The following MAP2 variants were observed in gnomAD, a reference collection of about 807,000 sequenced individuals.
The protein encoded by MAP2 is microtubule associated protein 2.
In MAP2, 14 loss-of-function variants were observed where a neutral mutation model predicts 137.6. The observed-to-expected ratio is 0.10, with a 90% CI of 0.07 to 0.16. MAP2 has a LOEUF of 0.16. Ranked by LOEUF, MAP2 falls within the 10% of genes least tolerant of loss-of-function variation. MAP2 has a pLI of 1.00. For missense variants in MAP2, 2,088 were observed against 2,191.5 expected (o/e 0.95, Z 0.94); for synonymous variants, 786 against 782.3 (o/e 1.00, Z -0.08).
intron 3 of MAP2, among the ~76,000 whole-genome samples, chr2:209,602,764 G>C (rs1179766646): frequency 2.6e-5 from 4 of 152,202 alleles, no homozygotes; most frequent in African/African-American, 9.7e-5. Flanking sequence ...CTCCAACAGA[G>C]TTTATCAAAA....
intron 1 of MAP2, among the ~76,000 whole-genome samples, chr2:209,430,446 A>G (rs571086746): frequency 6.6e-6 from 1 of 152,144 alleles, no homozygotes; most frequent in African/African-American, 2.4e-5. Flanking sequence ...TCATTGGTGA[A>G]ATCAATTATT....
chr2:209,648,601 C>A (rs1435455727), intron 4 of MAP2, among the ~76,000 whole-genome samples: 10 of 145,982 alleles, frequency 6.9e-5, no homozygotes, highest in African/African-American at 2.6e-4. Flanking sequence ...GACGGTGAAA[C>A]CCCTTCTCTA....
intron 2 of MAP2, among the ~76,000 whole-genome samples, chr2:209,566,376 G>T (rs927801116): frequency 3.3e-5 from 5 of 152,180 alleles, no homozygotes; most frequent in African/African-American, 1.2e-4. Flanking sequence ...CAATGTCCCT[G>T]TTTAAAACTA....
chr2:209,453,382 T>C (rs977766503), intron 1 of MAP2, among the ~76,000 whole-genome samples: 3 of 152,218 alleles, frequency 2.0e-5, no homozygotes, highest in African/African-American at 7.2e-5. Flanking sequence ...GAATTTCATG[T>C]GTTAAAAAGA....
At chr2:209,678,706 G>T (rs1412125908) in intron 6 of MAP2, 21 bp downstream of exon 6, 1 of 1,447,560 alleles carries the variant, frequency 6.9e-7, no homozygotes, top group African/African-American at 1.4e-5. Context: ...AGATTCTCAG[G>T]TCAGGGACTG....
chr2:209,537,930 G>A (rs548766191), intron 2 of MAP2, among the ~76,000 whole-genome samples: 1 of 152,260 alleles, frequency 6.6e-6, no homozygotes, highest in African/African-American at 2.4e-5. Flanking sequence ...TTTGGCACCT[G>A]TACCAAATAC....
At position 209,439,624 on chromosome 2, in the gene MAP2, A is replaced by G. The variant is rs1458213064; in HGVS notation, c.-222+15348A>G. Among the ~76,000 whole-genome samples, 7 of 151,510 alleles carry G rather than the reference A, an allele frequency of 4.6e-5. No individual in the cohort carries two copies. The Admixed American group carries it at 4.6e-4, about 10-fold the overall frequency. On this transcript the variant is annotated intron_variant, in intron 1 of 15. Transcript: ENST00000682079. Reference sequence around the variant, plus strand: ...GTTTCTCAGGAAGTGAGAGAGAGTGAACAAAATATATGCCACAATTGTAGC... The same window carrying G: ...GTTTCTCAGGAAGTGAGAGAGAGTGGACAAAATATATGCCACAATTGTAGC...
chr2:209,733,476 ACAC>A lies in MAP2; in HGVS notation c.*3080_*3082del. On this transcript the variant is annotated 3_prime_UTR_variant, in exon 16 of 16. Transcript: ENST00000682079. ...TGACCTTCTCCACACACACACACAC[ACAC>A]ACACACACACACACCTACAGTAATA... 1 of 152,222 alleles carries A rather than the reference ACAC, an allele frequency of 6.6e-6. No homozygotes were observed. Among genetic ancestry groups the A allele is most frequent in the Non-Finnish European group, 1.5e-5 (1 of 67,998 alleles). 9.4% of individuals were successfully genotyped at this position (152,222 alleles called of 1,614,324 possible). A position where few individuals can be genotyped will look rare whatever the true frequency, so the allele number is the denominator to read the frequency against.
chr2:209,704,145 T>C (rs1489274284), intron 11 of MAP2: 4 of 428,456 alleles, frequency 9.3e-6, no homozygotes, highest in African/African-American at 6.1e-5. Context: ...CACCAGTGTC[T>C]ATTGTTGCCA....
At chr2:209,505,791 G>C (rs1393530746) in intron 1 of MAP2, among the ~76,000 whole-genome samples, 1 of 152,006 alleles carries the variant, frequency 6.6e-6, no homozygotes. Context: ...GGGGAACATG[G>C]TGAAACTCCA....
intron 1 of MAP2, among the ~76,000 whole-genome samples, chr2:209,501,416 A>T (rs776420549): frequency 6.6e-6 from 1 of 152,178 alleles, no homozygotes; most frequent in Non-Finnish European, 1.5e-5. Flanking sequence ...AATATGATTT[A>T]TAATATGGAG....
At chr2:209,643,217 T>C (rs1247536202) in intron 4 of MAP2, among the ~76,000 whole-genome samples, 2 of 152,194 alleles carry the variant, frequency 1.3e-5, no homozygotes, top group Non-Finnish European at 2.9e-5. Context: ...CTTTAGATTT[T>C]CCAAGACTTT....
intron 4 of MAP2, among the ~76,000 whole-genome samples, chr2:209,634,163 G>C (rs144798065): frequency 1.0e-3 from 156 of 152,196 alleles, no homozygotes; most frequent in African/African-American, 3.7e-3. Context: ...CCTCCCACAG[G>C]GTGTTCTAGT....
intron 1 of MAP2, among the ~76,000 whole-genome samples, chr2:209,452,269 C>T (rs1009371032): frequency 2.0e-5 from 3 of 152,122 alleles, no homozygotes; most frequent in African/African-American, 7.2e-5. Context: ...TATGCAAATA[C>T]TAAAGACCTA....
chr2:209,609,916 C>G (rs1428756384), intron 3 of MAP2, among the ~76,000 whole-genome samples: 1 of 152,070 alleles, frequency 6.6e-6, no homozygotes, highest in Non-Finnish European at 1.5e-5. Context: ...TACTTTTCTA[C>G]TCATTCTTTC....
chr2:209,686,589 C>T (rs529400145), intron 7 of MAP2, among the ~76,000 whole-genome samples: 1 of 152,122 alleles, frequency 6.6e-6, no homozygotes, highest in Admixed American at 6.6e-5. Flanking sequence ...ATTTAGCAAC[C>T]ACCACATAGG....
intron 1 of MAP2, among the ~76,000 whole-genome samples, chr2:209,463,388 C>T (rs1216927684): frequency 2.0e-5 from 3 of 152,244 alleles, no homozygotes; most frequent in South Asian, 4.1e-4. Context: ...GTGTCCCTGT[C>T]GTGCTTTCTG....
At chr2:209,467,847 A>G (rs1704539882) in intron 1 of MAP2, among the ~76,000 whole-genome samples, 1 of 152,210 alleles carries the variant, frequency 6.6e-6, no homozygotes, top group Admixed American at 6.5e-5. Flanking sequence ...TTTTTAAAAT[A>G]GGGACAATAA....
At chr2:209,517,422 A>G (rs112079652) in intron 2 of MAP2, among the ~76,000 whole-genome samples, 1 of 152,122 alleles carries the variant, frequency 6.6e-6, no homozygotes, top group South Asian at 2.1e-4. Flanking sequence ...TGTCACCACA[A>G]TGTGTGGCAC....
Sources: allele counts gnomAD v4.1 joint callset (sites outside exome capture counted in the v4.1 genomes callset), GRCh38; gene constraint gnomAD v4.1.1; transcripts MANE v1.5; gene names NCBI Gene and HGNC (gene_info 2026-07-23, HGNC 2026-07-21).